COL22A1: variants seen among roughly 807,000 people sequenced by gnomAD.
COL22A1 encodes collagen alpha-1(XXII) chain.
COL22A1 carries 221 observed loss-of-function variants against 248.9 expected under a neutral mutation model. That is an observed-to-expected ratio of 0.89 (90% CI 0.80 to 0.99). The LOEUF is 0.99. Ranked by LOEUF, COL22A1 falls within the 50% of genes least tolerant of loss-of-function variation. The pLI, the probability that COL22A1 is intolerant of heterozygous loss-of-function variation, is 0.00. For missense variants in COL22A1, 2,240 were observed against 2,179.0 expected (o/e 1.03, Z -0.56); for synonymous variants, 891 against 793.4 (o/e 1.12, Z -2.07).
At chr8:138,629,559 T>C (rs527882242) in intron 50 of COL22A1, among the ~76,000 whole-genome samples, 129 of 152,250 alleles carry the variant, frequency 8.5e-4, no homozygotes, top group African/African-American at 2.8e-3. Flanking sequence ...AACAGAACCA[T>C]GTGGCTGTGA....
At chr8:138,799,141 C>G (rs942317202) in intron 11 of COL22A1, among the ~76,000 whole-genome samples, 1 of 151,934 alleles carries the variant, frequency 6.6e-6, no homozygotes, top group Non-Finnish European at 1.5e-5. Context: ...AATTTTAAAC[C>G]CCAGAACTTA....
chr8:138,682,549 C>T (rs901311817), intron 39 of COL22A1, among the ~76,000 whole-genome samples: 4 of 152,140 alleles, frequency 2.6e-5, no homozygotes, highest in African/African-American at 4.8e-5. Context: ...AAATAATTTT[C>T]ACTGGATATG....
intron 23 of COL22A1, among the ~76,000 whole-genome samples, chr8:138,736,573 G>C (rs1275318268): frequency 6.6e-6 from 1 of 152,096 alleles, no homozygotes; most frequent in Non-Finnish European, 1.5e-5. Flanking sequence ...GGACCCTGAG[G>C]GTGCCTATCT....
intron 60 of COL22A1, 103 bp downstream of exon 60, chr8:138,602,012 G>C: frequency 8.5e-7 from 1 of 1,174,776 alleles, no homozygotes; most frequent in Non-Finnish European, 1.3e-6. Context: ...GATCCAGGCG[G>C]GTGTTTACTA....
intron 3 of COL22A1, 96 bp downstream of exon 3, chr8:138,877,654 G>A (rs923394226): frequency 2.1e-5 from 27 of 1,275,860 alleles, no homozygotes; most frequent in Admixed American, 5.2e-5. Context: ...TCCTGGAGCC[G>A]GCCGTAGGAT....
chr8:138,722,308 A>C, intron 25 of COL22A1: 1 of 563,746 alleles, frequency 1.8e-6, no homozygotes, highest in Non-Finnish European at 3.2e-6. Context: ...CCTCTGGGCA[A>C]TGTCTGATTT....
chr8:138,698,322 C>A (rs1428368923), intron 32 of COL22A1, among the ~76,000 whole-genome samples: 2 of 152,214 alleles, frequency 1.3e-5, no homozygotes, highest in Non-Finnish European at 2.9e-5. Context: ...ATGGCTGACA[C>A]ACTAGCCCCT....
At chr8:138,625,079 C>T (rs1435025036) in intron 51 of COL22A1, among the ~76,000 whole-genome samples, 3 of 152,066 alleles carry the variant, frequency 2.0e-5, no homozygotes, top group South Asian at 2.1e-4. Context: ...ACCAGACCAA[C>T]GAATAATGGA....
At chr8:138,899,343 C>A (rs1192818374) in intron 1 of COL22A1, among the ~76,000 whole-genome samples, 1 of 152,068 alleles carries the variant, frequency 6.6e-6, no homozygotes, top group Non-Finnish European at 1.5e-5. Context: ...ATCCTGGGAC[C>A]TTTAAAGGGG....
At chr8:138,680,631 T>C (rs191128206) in intron 39 of COL22A1, among the ~76,000 whole-genome samples, 2 of 152,174 alleles carry the variant, frequency 1.3e-5, no homozygotes, top group African/African-American at 4.8e-5. Flanking sequence ...CCTGGGACAG[T>C]ACCAGGGCAA....
intron 15 of COL22A1, chr8:138,778,036 G>A: frequency 2.3e-6 from 1 of 435,948 alleles, no homozygotes; most frequent in South Asian, 2.1e-5. Context: ...ACAGGCTGGG[G>A]AAAATGAATT....
In COL22A1 at chr8:138,868,068, T is replaced by C. The variant is rs113794941; in HGVS notation, c.658+9682A>G. ...ATGAGCCACCGCACCCGGCCTATTG[T>C]CTTTATTTTACAGGGAAAACTAAAG... On this transcript the variant is annotated intron_variant, in intron 3 of 64. Transcript: ENST00000303045. 2.6e-3 allele frequency among the ~76,000 whole-genome samples: 401 copies of C among 152,318 alleles called. 1 individual carries two copies. The highest frequency in any genetic ancestry group is 9.2e-3 in the African/African-American group (383 of 41,560).
At chr8:138,794,164 A>T (rs910928481) in intron 12 of COL22A1, among the ~76,000 whole-genome samples, 1 of 152,174 alleles carries the variant, frequency 6.6e-6, no homozygotes, top group African/African-American at 2.4e-5. Context: ...AGGCAGGCGG[A>T]TCACCTGAGG....
intron 1 of COL22A1, among the ~76,000 whole-genome samples, chr8:138,910,260 T>C (rs1013190879): frequency 2.0e-5 from 3 of 152,210 alleles, no homozygotes; most frequent in Non-Finnish European, 4.4e-5. Context: ...CCACCTGGCC[T>C]TGGGCTGGTT....
chr8:138,888,095 C>T (rs7845402), intron 1 of COL22A1, among the ~76,000 whole-genome samples: 146,138 of 152,306 alleles, frequency 0.96, 70,140 homozygotes, highest in East Asian at 1. Flanking sequence ...GAAAACAATA[C>T]ACATTTCACT....
chr8:138,854,319 A>G (rs1821855931), intron 3 of COL22A1, among the ~76,000 whole-genome samples: 1 of 152,190 alleles, frequency 6.6e-6, no homozygotes, highest in Admixed American at 6.5e-5. Flanking sequence ...GGGAACAGAA[A>G]GGACAAGAGG....
intron 3 of COL22A1, among the ~76,000 whole-genome samples, chr8:138,876,954 T>C (rs541332658): frequency 2.0e-5 from 3 of 152,168 alleles, no homozygotes; most frequent in Non-Finnish European, 4.4e-5. Context: ...CCCAATGCAA[T>C]AGGCAGAGGC....
chr8:138,730,024 C>T lies in COL22A1; in HGVS notation c.2140-4584G>A, dbSNP rs984820152. Among the ~76,000 whole-genome samples, 7 of 152,154 alleles carry T rather than the reference C, an allele frequency of 4.6e-5. No homozygotes were observed. In the East Asian group the frequency reaches 5.8e-4, roughly 13 times the overall value. On this transcript the variant is annotated intron_variant, in intron 23 of 64. Transcript: ENST00000303045. ...CTGGACGTGAGGGCCTTTCAGCCCA[C>T]GGCTAGGATAGCTATTTCTACTTTG...
chr8:138,740,538 T>C lies in COL22A1; in HGVS notation c.2086-2961A>G, dbSNP rs149304550. Among the ~76,000 whole-genome samples the C allele has an allele frequency of 1.6e-3, 248 of 152,244 alleles. 1 individual carries two copies. Among genetic ancestry groups the C allele is most frequent in the African/African-American group, 5.8e-3 (239 of 41,550 alleles). On this transcript the variant is annotated intron_variant, in intron 22 of 64. Transcript: ENST00000303045. ...ATGCTCAGGAAGGTGAACACCTAAG[T>C]TGACAACAGGACTTGTAAAAGGCAT...
Sources: gnomAD v4.1 joint callset for allele counts (sites outside exome capture counted in the v4.1 genomes callset) on GRCh38, gnomAD v4.1.1 for gene constraint, MANE v1.5 for transcripts, NCBI Gene and HGNC (gene_info 2026-07-23, HGNC 2026-07-21) for gene names.